Variants in GPC6 observed in about 807,000 individuals in gnomAD.
The protein encoded by GPC6 is glypican 6.
Under a neutral mutation model 55.2 loss-of-function variants are expected in GPC6, and 14 were observed. The ratio of observed to expected loss-of-function variants is 0.25; its 90% CI spans 0.17 to 0.40. GPC6 has a LOEUF of 0.40. Ranked by LOEUF, GPC6 falls within the 10% of genes least tolerant of loss-of-function variation. GPC6 has a pLI of 1.00. For synonymous variants in GPC6, 278 were observed against 259.6 expected (o/e 1.07, Z -0.68); for missense variants, 641 against 708.5 (o/e 0.90, Z 1.08).
chr13:93,389,157 G>C (rs1018256997), intron 1 of GPC6, among the ~76,000 whole-genome samples: 1 of 152,006 alleles, frequency 6.6e-6, no homozygotes, highest in East Asian at 1.9e-4. Flanking sequence ...CTGGAAGGAT[G>C]AATGGGTAGA....
At chr13:94,235,450 G>T (rs1005018422) in intron 4 of GPC6, among the ~76,000 whole-genome samples, 4 of 152,078 alleles carry the variant, frequency 2.6e-5, no homozygotes, top group Non-Finnish European at 5.9e-5. Context: ...AGGGCCAATT[G>T]ATCCCTAAGG....
At chr13:93,835,666 C>A (rs564032040) in intron 3 of GPC6, among the ~76,000 whole-genome samples, 4 of 152,180 alleles carry the variant, frequency 2.6e-5, no homozygotes, top group African/African-American at 9.6e-5. Flanking sequence ...GCAGGAGAAT[C>A]GCTTGAACCC....
At chr13:94,283,392 G>T (rs970146695) in intron 4 of GPC6, among the ~76,000 whole-genome samples, 1 of 152,350 alleles carries the variant, frequency 6.6e-6, no homozygotes, top group South Asian at 2.1e-4. Flanking sequence ...CAGCCATTTA[G>T]TGGAGGAGTT....
chr13:93,900,759 A>G (rs1472043424), intron 3 of GPC6, among the ~76,000 whole-genome samples: 1 of 152,184 alleles, frequency 6.6e-6, no homozygotes, highest in Non-Finnish European at 1.5e-5. Flanking sequence ...TAGAGGTATG[A>G]GTACAGAAAA....
At chr13:94,159,669 A>T (rs1202730932) in intron 4 of GPC6, among the ~76,000 whole-genome samples, 1 of 152,164 alleles carries the variant, frequency 6.6e-6, no homozygotes, top group East Asian at 1.9e-4. Flanking sequence ...AACAACTAAG[A>T]CTAGAAAATC....
chr13:93,671,136 A>G (rs1881341278), intron 2 of GPC6, among the ~76,000 whole-genome samples: 1 of 152,214 alleles, frequency 6.6e-6, no homozygotes, highest in East Asian at 1.9e-4. Context: ...TGTAATTGGC[A>G]TTATTTTAAA....
intron 2 of GPC6, among the ~76,000 whole-genome samples, chr13:93,673,384 C>T (rs890842183): frequency 2.6e-5 from 4 of 152,002 alleles, no homozygotes; most frequent in Non-Finnish European, 1.5e-5. Flanking sequence ...AAATTCTGGC[C>T]AACATGTAAT....
At chr13:94,015,801 T>G (rs1454775109) in intron 3 of GPC6, among the ~76,000 whole-genome samples, 1 of 152,202 alleles carries the variant, frequency 6.6e-6, no homozygotes, top group Non-Finnish European at 1.5e-5. Flanking sequence ...TGAAAATCAA[T>G]TGGCCATAAA....
intron 3 of GPC6, among the ~76,000 whole-genome samples, chr13:93,884,583 C>A (rs1314878981): frequency 2.0e-5 from 3 of 152,008 alleles, no homozygotes; most frequent in Admixed American, 2.0e-4. Flanking sequence ...GTCCCAGAAA[C>A]AAAACTATAA....
chr13:93,598,584 C>A (rs1425079944), intron 2 of GPC6, among the ~76,000 whole-genome samples: 1 of 152,068 alleles, frequency 6.6e-6, no homozygotes, highest in Non-Finnish European at 1.5e-5. Flanking sequence ...GTCACAAAAG[C>A]AGCAATTTTA....
intron 1 of GPC6, among the ~76,000 whole-genome samples, chr13:93,269,311 A>T (rs1338504377): frequency 6.6e-6 from 1 of 152,194 alleles, no homozygotes; most frequent in Non-Finnish European, 1.5e-5. Context: ...TTGATATATT[A>T]AGACAGATGT....
intron 4 of GPC6, among the ~76,000 whole-genome samples, chr13:94,097,967 C>A (rs1279830756): frequency 6.6e-6 from 1 of 152,086 alleles, no homozygotes; most frequent in Non-Finnish European, 1.5e-5. Flanking sequence ...GGAAATTGCT[C>A]TCATTCAAAA....
In GPC6 at chr13:93,949,833, C is replaced by A. The variant is rs1361638486; in HGVS notation, c.712-77896C>A. On this transcript the variant is annotated intron_variant, in intron 3 of 8. Transcript: ENST00000377047. Reference sequence around the variant, plus strand: ...ACCTCCACCTCTGGGCTCCCGTGATCCTCCCACCTCAGCCTCCCAAGTAGC... The same window carrying A: ...ACCTCCACCTCTGGGCTCCCGTGATACTCCCACCTCAGCCTCCCAAGTAGC... Among the ~76,000 whole-genome samples, 3 of 152,074 alleles carry A rather than the reference C, an allele frequency of 2.0e-5. No homozygotes were observed. In the East Asian group the frequency reaches 5.8e-4, roughly 29 times the overall value.
intron 3 of GPC6, among the ~76,000 whole-genome samples, chr13:93,846,440 A>G (rs1416097376): frequency 2.0e-5 from 3 of 152,216 alleles, no homozygotes; most frequent in Non-Finnish European, 4.4e-5. Flanking sequence ...TGGTCTCTAA[A>G]TACAGCAACC....
At chr13:93,725,792 A>C (rs890221748) in intron 2 of GPC6, among the ~76,000 whole-genome samples, 1 of 152,126 alleles carries the variant, frequency 6.6e-6, no homozygotes, top group Non-Finnish European at 1.5e-5. Context: ...AAATACCAAA[A>C]ATAAAAAGAA....
intron 2 of GPC6, among the ~76,000 whole-genome samples, chr13:93,718,032 C>A (rs1353724295): frequency 6.6e-6 from 1 of 151,722 alleles, no homozygotes; most frequent in East Asian, 1.9e-4. Flanking sequence ...TGAGTTGGTG[C>A]CAAGTGTTTG....
rs763624026 is a variant in GPC6, at chr13:94,403,062, G to T, written c.1513G>T (p.Val505Leu). 3.1e-6 allele frequency: 5 copies of T among 1,613,674 alleles called. No individual in the cohort carries two copies. The highest frequency in any genetic ancestry group is 4.2e-6 in the Non-Finnish European group (5 of 1,179,688). Residue 505 changes from valine to leucine, a missense_variant, in exon 9 of 9, where the codon GTG becomes TTG. Val to Leu is a conservative substitution (Grantham distance 32). Coordinates refer to ENST00000377047, the MANE Select transcript of GPC6 (RefSeq NM_005708.5). ...GAGTGGCAGTGGGTGCATGGATGAC[G>T]TGTGTCCCACGGAGTTTGAGTTTGT... ...SGSGSGCMDD[V>L]CPTEFEFVTT... is the part of the protein sequence containing the mutation.
At chr13:93,422,239 G>A (rs1876949755) in intron 1 of GPC6, among the ~76,000 whole-genome samples, 3 of 152,070 alleles carry the variant, frequency 2.0e-5, no homozygotes, top group African/African-American at 7.2e-5. Flanking sequence ...CAACACCCTC[G>A]AAATATGAAA....
At chr13:94,128,375 T>A (rs1415459448) in intron 4 of GPC6, among the ~76,000 whole-genome samples, 2 of 152,180 alleles carry the variant, frequency 1.3e-5, no homozygotes, top group Non-Finnish European at 2.9e-5. Flanking sequence ...ACTGTATCTG[T>A]CAGGATAAGC....
Sources: allele counts gnomAD v4.1 joint callset (sites outside exome capture counted in the v4.1 genomes callset), GRCh38; gene constraint gnomAD v4.1.1; transcripts MANE v1.5; gene names NCBI Gene and HGNC (gene_info 2026-07-23, HGNC 2026-07-21).